SPAG16: variants seen among roughly 807,000 people sequenced by gnomAD.
The protein encoded by SPAG16 is sperm-associated antigen 16 protein.
Under a neutral mutation model 80.4 loss-of-function variants are expected in SPAG16, and 86 were observed. That is an observed-to-expected ratio of 1.07 (90% confidence interval 0.90 to 1.28). The LOEUF is 1.28. SPAG16 is among the 50% of genes most tolerant of loss of function. SPAG16 has a pLI of 0.00. For synonymous variants in SPAG16, 294 were observed against 265.9 expected, an observed-to-expected ratio of 1.11 and a Z score of -1.03; for missense variants, 870 against 765.3, an observed-to-expected ratio of 1.14 and a Z score of -1.61.
At chr2:214,015,610 A>T (rs1189619956) in intron 13 of SPAG16, among the ~76,000 whole-genome samples, 1 of 151,618 alleles carries the variant, frequency 6.6e-6, no homozygotes, top group Non-Finnish European at 1.5e-5. Flanking sequence ...GAAAAAAAAA[A>T]AAATCAAAGA....
intron 13 of SPAG16, among the ~76,000 whole-genome samples, chr2:214,016,419 T>G (rs2047594549): frequency 6.6e-6 from 1 of 152,150 alleles, no homozygotes; most frequent in African/African-American, 2.4e-5. Flanking sequence ...CTGATTCAGT[T>G]ACTTCCCACC....
intron 5 of SPAG16, among the ~76,000 whole-genome samples, chr2:213,320,174 T>G (rs977252): frequency 0.97 from 148,109 of 151,994 alleles, 72,275 homozygotes; most frequent in East Asian, 1. Context: ...TTAGAAAATG[T>G]AGAATGAAGT....
chr2:214,017,174 T>A (rs545412021), intron 13 of SPAG16, among the ~76,000 whole-genome samples: 60 of 152,074 alleles, frequency 3.9e-4, no homozygotes, highest in Non-Finnish European at 8.2e-4. Context: ...AAAGAGTGCA[T>A]CAGGCGTGAC....
chr2:214,410,025 C>T, intron 15 of SPAG16, 115 bp from the exon 16 acceptor site: 5 of 1,115,858 alleles, frequency 4.5e-6, no homozygotes, highest in Non-Finnish European at 6.5e-6. Context: ...AATAACTGAC[C>T]CCTAACACAG....
chr2:213,544,692 G>C (rs182752189), intron 10 of SPAG16, among the ~76,000 whole-genome samples: 1 of 151,636 alleles, frequency 6.6e-6, no homozygotes, highest in Non-Finnish European at 1.5e-5. Context: ...CTCCCCCCTC[G>C]TACCCCTGGC....
intron 9 of SPAG16, among the ~76,000 whole-genome samples, chr2:213,468,576 T>C (rs2072879972): frequency 6.9e-6 from 1 of 145,058 alleles, no homozygotes; most frequent in Non-Finnish European, 1.5e-5. Context: ...TATATATCTA[T>C]GTATTTATAT....
intron 10 of SPAG16, among the ~76,000 whole-genome samples, chr2:213,713,575 A>G (rs2066101973): frequency 6.6e-6 from 1 of 152,226 alleles, no homozygotes; most frequent in Non-Finnish European, 1.5e-5. Flanking sequence ...TTAGGGCGTC[A>G]ATGACATAAG....
At chr2:213,588,258 T>C (rs1272306237) in intron 10 of SPAG16, among the ~76,000 whole-genome samples, 1 of 152,194 alleles carries the variant, frequency 6.6e-6, no homozygotes, top group Non-Finnish European at 1.5e-5. Context: ...CCTTTTTATC[T>C]TTTCTAACAG....
intron 10 of SPAG16, among the ~76,000 whole-genome samples, chr2:213,701,329 T>C (rs2065407210): frequency 6.6e-6 from 1 of 152,070 alleles, no homozygotes; most frequent in Non-Finnish European, 1.5e-5. Flanking sequence ...CAAAAATCAT[T>C]TGAGTTCAAA....
chr2:214,298,074 CTATATATATA>C (rs34462560), intron 15 of SPAG16, among the ~76,000 whole-genome samples: 1 of 137,040 alleles, frequency 7.3e-6, no homozygotes, highest in Non-Finnish European at 1.6e-5. Flanking sequence ...AGATGTATGC[CTATATATATA>C]TATATATATG....
chr2:213,932,340 C>T (rs890820682), intron 12 of SPAG16, among the ~76,000 whole-genome samples: 7 of 151,368 alleles, frequency 4.6e-5, no homozygotes, highest in Admixed American at 6.6e-5. Flanking sequence ...CTCAGCCTCC[C>T]GAGTAGCTGG....
chr2:213,372,642 T>C (rs1407157270), intron 8 of SPAG16, among the ~76,000 whole-genome samples: 2 of 152,168 alleles, frequency 1.3e-5, no homozygotes, highest in East Asian at 3.8e-4. Flanking sequence ...GAATTCTAAT[T>C]ACATAGATCT....
intron 10 of SPAG16, among the ~76,000 whole-genome samples, chr2:213,575,162 A>T (rs1477579134): frequency 6.6e-6 from 1 of 152,156 alleles, no homozygotes; most frequent in Non-Finnish European, 1.5e-5. Context: ...AAAGTGAGTG[A>T]GGAGATGAGA....
intron 9 of SPAG16, among the ~76,000 whole-genome samples, chr2:213,484,373 G>A (rs79985383): frequency 1.3e-5 from 2 of 152,128 alleles, no homozygotes; most frequent in Admixed American, 6.5e-5. Flanking sequence ...TGACCCATTC[G>A]TATTTTCATA....
intron 10 of SPAG16, among the ~76,000 whole-genome samples, chr2:213,556,531 C>A (rs2059431893): frequency 6.6e-6 from 1 of 152,002 alleles, no homozygotes; most frequent in Non-Finnish European, 1.5e-5. Flanking sequence ...AAAGGAATAA[C>A]TTCATTATGA....
intron 10 of SPAG16, among the ~76,000 whole-genome samples, chr2:213,822,313 G>T (rs150688429): frequency 9.1e-4 from 139 of 152,148 alleles, no homozygotes; most frequent in Non-Finnish European, 1.7e-3. Context: ...ATGCCAGTTT[G>T]CCATTTGTAT....
At chr2:214,111,145 T>C (rs902278367) in intron 14 of SPAG16, among the ~76,000 whole-genome samples, 2 of 152,198 alleles carry the variant, frequency 1.3e-5, no homozygotes, top group Non-Finnish European at 2.9e-5. Flanking sequence ...TTAGATCCCA[T>C]TTGTCTATTC....
chr2:213,444,946 T>A (rs2071205024), intron 9 of SPAG16, among the ~76,000 whole-genome samples: 1 of 152,198 alleles, frequency 6.6e-6, no homozygotes, highest in Non-Finnish European at 1.5e-5. Flanking sequence ...TCCACTCATT[T>A]ACAGTCAACT....
chr2:213,730,435 TA>T (rs1357986098), intron 10 of SPAG16, among the ~76,000 whole-genome samples: 3 of 152,248 alleles, frequency 2.0e-5, no homozygotes, highest in Non-Finnish European at 4.4e-5. Flanking sequence ...TTGACTTTTT[TA>T]TTCCATCTCT....
Sources: gnomAD v4.1 joint callset for allele counts (sites outside exome capture counted in the v4.1 genomes callset) on GRCh38, gnomAD v4.1.1 for gene constraint, MANE v1.5 for transcripts, NCBI Gene and HGNC (gene_info 2026-07-23, HGNC 2026-07-21) for gene names.